Variants in TBC1D5 observed in about 807,000 individuals in gnomAD.
TBC1D5 encodes TBC1 domain family, member 5.
TBC1D5 carries 75 observed loss-of-function variants against 100.3 expected under a neutral mutation model. That is an observed-to-expected ratio of 0.75 (90% CI 0.62 to 0.91). The LOEUF (loss-of-function observed/expected upper bound fraction) is 0.91, where lower values mean the gene tolerates loss of function less well. Ranked by LOEUF, TBC1D5 falls within the 40% of genes least tolerant of loss-of-function variation. TBC1D5 has a pLI of 0.00. For missense variants in TBC1D5, 910 were observed against 942.4 expected (o/e 0.97, Z 0.45); for synonymous variants, 323 against 325.6 (o/e 0.99, Z 0.09).
At chr3:17,187,183 T>C (rs192466827) in intron 18 of TBC1D5, among the ~76,000 whole-genome samples, 36 of 152,338 alleles carry the variant, frequency 2.4e-4, no homozygotes, top group Admixed American at 2.2e-3. Context: ...TGACTCTGCA[T>C]GTTGCTTCAT....
chr3:17,561,249 C>G (rs949793888), intron 2 of TBC1D5, among the ~76,000 whole-genome samples: 1 of 152,028 alleles, frequency 6.6e-6, no homozygotes, highest in Admixed American at 6.6e-5. Flanking sequence ...AGGTTAAAAG[C>G]TAATTAAAGC....
At chr3:17,230,726 A>G (rs918227196) in intron 17 of TBC1D5, among the ~76,000 whole-genome samples, 46 of 152,138 alleles carry the variant, frequency 3.0e-4, no homozygotes, top group Admixed American at 3.0e-3. Context: ...ATTATTTTAA[A>G]AAATCTAAAA....
intron 1 of TBC1D5, among the ~76,000 whole-genome samples, chr3:17,654,904 G>A (rs995957434): frequency 3.3e-5 from 5 of 152,006 alleles, no homozygotes; most frequent in Non-Finnish European, 7.4e-5. Context: ...TGTATGTGTC[G>A]AGCAATTTAT....
intron 3 of TBC1D5, among the ~76,000 whole-genome samples, chr3:17,471,918 G>T (rs1042001437): frequency 6.6e-6 from 1 of 152,070 alleles, no homozygotes; most frequent in Admixed American, 6.6e-5. Context: ...GTGGGAGGCG[G>T]TCAGAACATG....
chr3:17,235,087 C>T (rs1178030975), intron 17 of TBC1D5, among the ~76,000 whole-genome samples: 1 of 152,124 alleles, frequency 6.6e-6, no homozygotes, highest in Non-Finnish European at 1.5e-5. Context: ...TTTTACTCTG[C>T]TGCTTCTAGA....
chr3:17,694,440 C>T (rs772311235), intron 1 of TBC1D5, among the ~76,000 whole-genome samples: 23 of 152,114 alleles, frequency 1.5e-4, no homozygotes, highest in African/African-American at 5.3e-4. Context: ...ATGAGAACTA[C>T]GCAACGCATG....
At chr3:17,376,452 T>C (rs2092711704) in intron 10 of TBC1D5, 73 bp downstream of exon 10, 1 of 1,289,804 alleles carries the variant, frequency 7.8e-7, no homozygotes, top group Middle Eastern at 1.9e-4. Flanking sequence ...TTAGAAGATT[T>C]TGAGGTTTCA....
intron 16 of TBC1D5, among the ~76,000 whole-genome samples, chr3:17,257,858 C>T (rs749985903): frequency 1.3e-5 from 2 of 152,164 alleles, no homozygotes; most frequent in Admixed American, 6.5e-5. Context: ...TCATTACTAA[C>T]ATTTTAGTCT....
intron 21 of TBC1D5, among the ~76,000 whole-genome samples, chr3:17,163,284 T>A (rs1269149173): frequency 3.5e-5 from 5 of 143,082 alleles, no homozygotes; most frequent in African/African-American, 1.3e-4. Flanking sequence ...CCCTTTGCAT[T>A]ACAGATCAAG....
chr3:17,549,833 G>A (rs1163111986), intron 2 of TBC1D5, among the ~76,000 whole-genome samples: 1 of 151,946 alleles, frequency 6.6e-6, no homozygotes. Context: ...GTGAGGCTGA[G>A]GCAGGAGAAT....
intron 2 of TBC1D5, among the ~76,000 whole-genome samples, chr3:17,617,387 T>G (rs2062264682): frequency 6.6e-6 from 1 of 152,074 alleles, no homozygotes. Context: ...CAAGAATTTT[T>G]CCAAGGAGTA....
intron 3 of TBC1D5, among the ~76,000 whole-genome samples, chr3:17,447,949 C>T (rs115704252): frequency 2.0e-5 from 3 of 152,256 alleles, no homozygotes; most frequent in African/African-American, 4.8e-5. Context: ...CTTGTTTTCA[C>T]TGCTAAATTA....
At chr3:17,427,239 C>A (rs753994523) in intron 4 of TBC1D5, among the ~76,000 whole-genome samples, 20 of 151,944 alleles carry the variant, frequency 1.3e-4, no homozygotes, top group Admixed American at 5.9e-4. Flanking sequence ...GGAACATAAG[C>A]CTTTTGTAGT....
intron 4 of TBC1D5, among the ~76,000 whole-genome samples, chr3:17,414,988 TTC>T (rs2094028326): frequency 6.6e-6 from 1 of 152,132 alleles, no homozygotes; most frequent in Non-Finnish European, 1.5e-5. Flanking sequence ...TAAAGAATAG[TTC>T]ATTGCCTAGA....
At chr3:17,596,700 CAAAAAAAAAAAAAA>C (rs34625799) in intron 2 of TBC1D5, among the ~76,000 whole-genome samples, 8 of 44,952 alleles carry the variant, frequency 1.8e-4, no homozygotes, top group African/African-American at 5.3e-4. Flanking sequence ...GACTCCATCT[CAAAAAAAAAAAAAA>C]AAAAAAAGAA....
intron 2 of TBC1D5, among the ~76,000 whole-genome samples, chr3:17,554,638 A>G (rs2096500727): frequency 6.6e-6 from 1 of 152,188 alleles, no homozygotes; most frequent in Non-Finnish European, 1.5e-5. Flanking sequence ...CTCCCCCATC[A>G]TGGAGCACTT....
At chr3:17,658,993 A>G (rs749736393) in intron 1 of TBC1D5, among the ~76,000 whole-genome samples, 7 of 152,194 alleles carry the variant, frequency 4.6e-5, no homozygotes, top group Admixed American at 1.3e-4. Context: ...ATCATCAAAT[A>G]GGAAGGTATA....
At chr3:17,636,340 C>T (rs918148308) in intron 1 of TBC1D5, among the ~76,000 whole-genome samples, 2 of 152,024 alleles carry the variant, frequency 1.3e-5, no homozygotes, top group Admixed American at 6.5e-5. Context: ...TTTATTATTC[C>T]TGTTAACTAT....
intron 1 of TBC1D5, among the ~76,000 whole-genome samples, chr3:17,727,316 G>A (rs942206933): frequency 4.6e-5 from 7 of 152,204 alleles, no homozygotes; most frequent in African/African-American, 1.4e-4. Flanking sequence ...GGGAGGCAGA[G>A]GTTGCAGTGA....
Sources: gnomAD v4.1 joint callset for allele counts (sites outside exome capture counted in the v4.1 genomes callset) on GRCh38, gnomAD v4.1.1 for gene constraint, MANE v1.5 for transcripts, NCBI Gene and HGNC (gene_info 2026-07-23, HGNC 2026-07-21) for gene names.